Variants in PTPN13 observed in about 807,000 individuals in gnomAD.
PTPN13 encodes protein tyrosine phosphatase non-receptor type 13, also known as tyrosine-protein phosphatase non-receptor type 13.
In PTPN13, 191 loss-of-function variants were observed where a neutral mutation model predicts 284.0. That is an observed-to-expected ratio of 0.67 (90% CI 0.60 to 0.76). The LOEUF is 0.76. PTPN13 is among the 30% of genes least tolerant of loss of function. PTPN13 has a pLI of 0.00. For missense variants in PTPN13, 2,797 were observed against 2,939.9 expected (o/e 0.95, Z 1.12); for synonymous variants, 986 against 1,022.3 (o/e 0.96, Z 0.68).
intron 2 of PTPN13, among the ~76,000 whole-genome samples, chr4:86,651,295 G>A (rs1296056807): frequency 6.6e-6 from 1 of 151,952 alleles, no homozygotes; most frequent in African/African-American, 2.4e-5. Flanking sequence ...TCTTTTTATT[G>A]CATTGTTTAA....
chr4:86,758,122 G>C (rs1304148553), intron 20 of PTPN13, 138 bp from the exon 21 acceptor site: 9 of 524,610 alleles, frequency 1.7e-5, no homozygotes, highest in Non-Finnish European at 3.0e-5. Context: ...AATGTTAACA[G>C]TATCAGTAAA....
intron 4 of PTPN13, among the ~76,000 whole-genome samples, chr4:86,687,055 T>C (rs1158943518): frequency 6.6e-6 from 1 of 152,244 alleles, no homozygotes; most frequent in African/African-American, 2.4e-5. Context: ...TCAAAAATTA[T>C]AGCAAGATAA....
chr4:86,765,285 C>A, intron 25 of PTPN13, 110 bp from the exon 26 acceptor site: 1 of 713,922 alleles, frequency 1.4e-6, no homozygotes, highest in Non-Finnish European at 2.4e-6. Context: ...TCAGCACATG[C>A]TGATGGGATG....
At chr4:86,742,675 T>A (rs1313756187) in intron 16 of PTPN13, among the ~76,000 whole-genome samples, 1 of 152,156 alleles carries the variant, frequency 6.6e-6, no homozygotes, top group East Asian at 1.9e-4. Context: ...GATTTCCAGA[T>A]TATATGTTCT....
At chr4:86,775,774 C>A in intron 35 of PTPN13, 122 bp downstream of exon 35, 1 of 827,248 alleles carries the variant, frequency 1.2e-6, no homozygotes, top group Non-Finnish European at 1.8e-6. Context: ...ATTGGCAGGA[C>A]TTAATAAATT....
chr4:86,743,664 GT>G (rs1315099208), intron 16 of PTPN13, among the ~76,000 whole-genome samples: 1 of 152,100 alleles, frequency 6.6e-6, no homozygotes. Flanking sequence ...ATTTAACAAT[GT>G]TGTTATATTT....
intron 5 of PTPN13, among the ~76,000 whole-genome samples, chr4:86,692,806 A>G (rs940546062): frequency 9.2e-5 from 14 of 152,294 alleles, no homozygotes; most frequent in African/African-American, 3.1e-4. Context: ...TCGGCCAGGC[A>G]TAGTGGATCA....
chr4:86,624,643 G>A (rs1721628009), intron 1 of PTPN13, among the ~76,000 whole-genome samples: 1 of 152,106 alleles, frequency 6.6e-6, no homozygotes, highest in Non-Finnish European at 1.5e-5. Flanking sequence ...AGGAGCTATT[G>A]GAATTGAGGG....
chr4:86,785,019 A>C (rs902922231), intron 38 of PTPN13, among the ~76,000 whole-genome samples: 2 of 152,068 alleles, frequency 1.3e-5, no homozygotes, highest in Non-Finnish European at 2.9e-5. Flanking sequence ...TGTAATTTGC[A>C]TTTGTGTGGT....
rs1224870452 is a variant in PTPN13, at chr4:86,771,393, A to G, written c.5026A>G (p.Ser1676Gly). ...AGCAAACATATCAAATTCGACCTGG[A>G]GTTCAGCTTTGCATCAGACTCTAAG... ...APANISNSTW[S>G]SALHQTLSNM... Residue 1676 changes from serine to glycine, a missense_variant, in exon 31 of 48, where the codon AGT (serine) becomes GGT (glycine). Coordinates refer to ENST00000411767, the MANE Select transcript of PTPN13 (RefSeq NM_080683.3). The G allele has an allele frequency of 1.3e-6, 2 of 1,569,158 alleles. No individual in the cohort carries two copies. The highest frequency in any genetic ancestry group is 8.6e-7 in the Non-Finnish European group (1 of 1,156,196).
intron 2 of PTPN13, among the ~76,000 whole-genome samples, chr4:86,642,915 A>G (rs1323585366): frequency 2.6e-5 from 4 of 152,228 alleles, no homozygotes; most frequent in Non-Finnish European, 4.4e-5. Flanking sequence ...AATAATCTTT[A>G]GAAGTGAGGT....
In PTPN13 at chr4:86,775,338, G is replaced by A. The variant is rs778910885; in HGVS notation, c.5676G>A (p.Glu1892=). 7 of 1,611,346 alleles carry A rather than the reference G, an allele frequency of 4.3e-6. No individual in the cohort carries two copies. The South Asian group carries it at 5.5e-5, about 13-fold the overall frequency. ...PDITLTCNKE[E]LGFSLCGGHD... ...TAACACTAACGTGCAACAAAGAGGA[G>A]TTGGGTAATGAAAAGTCAAACTTTG... The change falls in exon 34 of 48, where the codon GAG becomes GAA. Residue 1892 remains glutamate (E), a synonymous_variant. Coordinates refer to ENST00000411767, the MANE Select transcript of PTPN13 (RefSeq NM_080683.3).
chr4:86,600,425 A>C (rs1468809552), intron 1 of PTPN13, among the ~76,000 whole-genome samples: 1 of 138,298 alleles, frequency 7.2e-6, no homozygotes, highest in South Asian at 2.3e-4. Flanking sequence ...TTTTTTTTAC[A>C]TAACCACTTT....
At chr4:86,747,549 G>GGCA (rs78831573) in intron 17 of PTPN13, among the ~76,000 whole-genome samples, 1,654 of 143,812 alleles carry the variant, frequency 0.012, 8 homozygotes, top group Non-Finnish European at 0.013. Flanking sequence ...CAGCAGCAGC[G>GGCA]GCAGCAGCAG....
Position 86,734,325 on chromosome 4 carries a change from T to G in PTPN13, c.1881T>G (p.Asp627Glu). 6.5e-7 allele frequency: 1 copy of G among 1,528,544 alleles called. No individual in the cohort carries two copies. The highest frequency in any genetic ancestry group is 8.8e-7 in the Non-Finnish European group (1 of 1,132,880). The allele number at this position is 1,528,544 out of a possible 1,614,324, so 94.7% of individuals were successfully genotyped here. Residue 627 changes from aspartate to glutamate, a missense_variant, in exon 13 of 48, where the codon GAT becomes GAG. Transcript: ENST00000411767. Reference protein sequence around the residue: ...TLKDNEYFFVDPDLKLTKVAP... With the variant: ...TLKDNEYFFVEPDLKLTKVAP... ...TAGATAATGAATATTTCTTTGTTGA[T>G]CCTGACTTAAAATTAACCAAAGTGG...
At chr4:86,726,961 G>A (rs1734336274) in intron 10 of PTPN13, among the ~76,000 whole-genome samples, 2 of 149,360 alleles carry the variant, frequency 1.3e-5, no homozygotes, top group African/African-American at 4.9e-5. Context: ...GTCGTAAATA[G>A]CATTTATTAT....
At chr4:86,782,634 A>G (rs1231092018) in intron 37 of PTPN13, among the ~76,000 whole-genome samples, 1 of 152,230 alleles carries the variant, frequency 6.6e-6, no homozygotes, top group Admixed American at 6.5e-5. Flanking sequence ...ATTTTTGGCG[A>G]GTAGTAACCT....
chr4:86,607,373 A>C (rs911121916), intron 1 of PTPN13, among the ~76,000 whole-genome samples: 1 of 151,978 alleles, frequency 6.6e-6, no homozygotes, highest in African/African-American at 2.4e-5. Context: ...CATCTAAATG[A>C]ACACTGAAAA....
intron 6 of PTPN13, among the ~76,000 whole-genome samples, chr4:86,700,394 T>C (rs1173301793): frequency 6.6e-6 from 1 of 152,178 alleles, no homozygotes; most frequent in Non-Finnish European, 1.5e-5. Flanking sequence ...ATATGCTTTT[T>C]TGTTGAATCT....
Sources: gnomAD v4.1 joint callset for allele counts (sites outside exome capture counted in the v4.1 genomes callset) on GRCh38, gnomAD v4.1.1 for gene constraint, MANE v1.5 for transcripts, NCBI Gene and HGNC (gene_info 2026-07-23, HGNC 2026-07-21) for gene names.